Variants in SLCO1A2 observed in about 807,000 individuals in gnomAD.
The protein encoded by SLCO1A2 is OATP-1.
In SLCO1A2, 67 loss-of-function variants were observed where a neutral mutation model predicts 69.0. The ratio of observed to expected loss-of-function variants is 0.97; its 90% CI spans 0.80 to 1.19. The LOEUF is 1.19. Among genes scored for constraint, SLCO1A2 ranks in the 50% most tolerant of loss-of-function variants. The probability of loss-of-function intolerance (pLI) is 0.00; values close to 1 mark genes in which losing one functional copy is unlikely to be tolerated. For synonymous variants in SLCO1A2, 260 were observed against 265.9 expected (o/e 0.98, Z 0.22); for missense variants, 787 against 793.7 (o/e 0.99, Z 0.10).
chr12:21,340,336 C>T (rs1953026848), intron 2 of SLCO1A2, among the ~76,000 whole-genome samples: 1 of 152,014 alleles, frequency 6.6e-6, no homozygotes, highest in East Asian at 1.9e-4. Flanking sequence ...CAAGGACTGA[C>T]TTGATGATAC....
chr12:21,382,829 A>C (rs1173836882), intron 1 of SLCO1A2, among the ~76,000 whole-genome samples: 1 of 151,960 alleles, frequency 6.6e-6, no homozygotes, highest in Non-Finnish European at 1.5e-5. Context: ...GAAACGAAAA[A>C]AGAAAGAAAG....
rs764196526 is a variant in SLCO1A2 at position 21,285,136 on chromosome 12, A to T, written c.1610+7028T>A. 2.5e-3 allele frequency among the ~76,000 whole-genome samples: 365 copies of T among 144,718 alleles called. 1 individual carries two copies. Among genetic ancestry groups the T allele is most frequent in the Non-Finnish European group, 4.0e-3 (262 of 65,714 alleles). The allele number at this position is 144,718 out of a possible 152,430, so 94.9% of individuals were successfully genotyped here. ...AAGACTAATAAAGAAAAAAAGAGAG[A>T]AGAATCAAATAGACACAATAAAAAA... On this transcript the variant is annotated intron_variant, in intron 12 of 14. Transcript: ENST00000683939.
chr12:21,297,538 C>A lies in SLCO1A2; in HGVS notation c.941G>T (p.Cys314Phe). 1 of 1,579,330 alleles carries A rather than the reference C, an allele frequency of 6.3e-7. No homozygotes were observed. ...TATGAAAAGCATATAAATTGGATTG[C>A]AGGAAAGACTTTTCATGAAAGGTAG... ...DFLPFMKSLS[C>F]NPIYMLFILV... The change falls in exon 9 of 15, where the codon TGC (cysteine) becomes TTC (phenylalanine). Residue 314 changes from cysteine (C) to phenylalanine (F), a missense_variant. Transcript: ENST00000683939.
upstream of SLCO1A2, among the ~76,000 whole-genome samples, chr12:21,397,125 C>G (rs1325843010): frequency 1.3e-5 from 2 of 152,052 alleles, no homozygotes; most frequent in African/African-American, 4.8e-5. Context: ...ATTCGGGAGA[C>G]CCATCTCACG....
chr12:21,298,074 G>A (rs1472424166), intron 8 of SLCO1A2, among the ~76,000 whole-genome samples: 2 of 152,084 alleles, frequency 1.3e-5, no homozygotes, highest in Admixed American at 6.6e-5. Flanking sequence ...AGATATGAAT[G>A]TTCTCAAGTA....
At chr12:21,369,410 T>C (rs113943223) in intron 2 of SLCO1A2, among the ~76,000 whole-genome samples, 146 of 152,344 alleles carry the variant, frequency 9.6e-4, no homozygotes, top group African/African-American at 3.3e-3. Context: ...CACCCTCTAA[T>C]TCATTCCACA....
chr12:21,405,576 CA>C (rs1257357814), intron 1 of SLCO1A2, among the ~76,000 whole-genome samples: 2 of 152,148 alleles, frequency 1.3e-5, no homozygotes, highest in East Asian at 3.8e-4. Context: ...GGTACAAAAA[CA>C]GACACATCGA....
At chr12:21,272,203 T>C (rs1450779499) in intron 14 of SLCO1A2, among the ~76,000 whole-genome samples, 2 of 151,828 alleles carry the variant, frequency 1.3e-5, no homozygotes, top group Non-Finnish European at 2.9e-5. Flanking sequence ...TTAACAATTA[T>C]CCATGTATTC....
intron 2 of SLCO1A2, among the ~76,000 whole-genome samples, chr12:21,326,061 G>A (rs1007195718): frequency 2.6e-5 from 4 of 152,122 alleles, no homozygotes; most frequent in African/African-American, 9.7e-5. Flanking sequence ...TCATAGGGGT[G>A]GGTTTTCCCA....
upstream of SLCO1A2, among the ~76,000 whole-genome samples, chr12:21,418,759 T>C (rs961233945): frequency 2.0e-5 from 3 of 152,120 alleles, no homozygotes; most frequent in Non-Finnish European, 4.4e-5. Flanking sequence ...CCAAACCATA[T>C]CAGTCATGTA....
chr12:21,319,795 C>T (rs1951377467), intron 2 of SLCO1A2, among the ~76,000 whole-genome samples: 1 of 152,044 alleles, frequency 6.6e-6, no homozygotes, highest in South Asian at 2.1e-4. Flanking sequence ...CAATCCATAA[C>T]AACATCAGGG....
upstream of SLCO1A2, among the ~76,000 whole-genome samples, chr12:21,398,291 C>T (rs1941552669): frequency 1.3e-5 from 2 of 150,960 alleles, no homozygotes; most frequent in South Asian, 4.2e-4. Context: ...GGATAAATTC[C>T]TGGACACATA....
chr12:21,325,731 T>C (rs892194486), intron 2 of SLCO1A2, among the ~76,000 whole-genome samples: 1 of 152,254 alleles, frequency 6.6e-6, no homozygotes, highest in Non-Finnish European at 1.5e-5. Context: ...TTTCATTTTA[T>C]TTATTTCATT....
intron 12 of SLCO1A2, among the ~76,000 whole-genome samples, chr12:21,282,048 A>C (rs940942139): frequency 6.6e-6 from 1 of 151,986 alleles, no homozygotes; most frequent in Non-Finnish European, 1.5e-5. Context: ...ACAGAAGAGG[A>C]GAGAAGCCTT....
intron 1 of SLCO1A2, among the ~76,000 whole-genome samples, chr12:21,414,641 G>A (rs981607549): frequency 1.3e-5 from 2 of 151,960 alleles, no homozygotes; most frequent in South Asian, 4.1e-4. Flanking sequence ...TAAATGTTAG[G>A]TGCAGAAAAA....
chr12:21,397,520 G>T (rs1352491660), upstream of SLCO1A2, among the ~76,000 whole-genome samples: 1 of 152,000 alleles, frequency 6.6e-6, no homozygotes, highest in East Asian at 1.9e-4. Flanking sequence ...GCACCAAGCG[G>T]ACCTAATAGA....
At position 21,276,387 on chromosome 12, in the gene SLCO1A2, GACACACACACAC is replaced by G. The variant is rs3060629; in HGVS notation, c.1611-975_1611-964del. ...CGTAGAGATGATAGAGATAAATATG[GACACACACACAC>G]ACACACACACACACACACACACACA... On this transcript the variant is annotated intron_variant, in intron 12 of 14. Coordinates refer to ENST00000683939, the MANE Select transcript of SLCO1A2 (RefSeq NM_001386879.1). Among the ~76,000 whole-genome samples, 13 of 141,904 alleles carry G rather than the reference GACACACACACAC, an allele frequency of 9.2e-5. No homozygotes were observed. In the South Asian group the frequency reaches 9.6e-4, roughly 10 times the overall value. 93.1% of individuals were successfully genotyped at this position (141,904 alleles called of 152,430 possible).
intron 1 of SLCO1A2, among the ~76,000 whole-genome samples, chr12:21,408,719 T>C (rs1404537558): frequency 0.027 from 2,414 of 88,122 alleles, 66 homozygotes; most frequent in African/African-American, 0.093. Context: ...CATGCGTGTG[T>C]GTGTGTGTGT....
chr12:21,330,664 T>C (rs945011530), intron 2 of SLCO1A2, among the ~76,000 whole-genome samples: 1 of 152,148 alleles, frequency 6.6e-6, no homozygotes, highest in African/African-American at 2.4e-5. Context: ...AAAAAGATTA[T>C]AGAATTCAAA....
Sources: allele counts gnomAD v4.1 joint callset (sites outside exome capture counted in the v4.1 genomes callset), GRCh38; gene constraint gnomAD v4.1.1; transcripts MANE v1.5; gene names NCBI Gene and HGNC (gene_info 2026-07-23, HGNC 2026-07-21).